Variants in GVQW3 observed in about 807,000 individuals in gnomAD.
The protein encoded by GVQW3 is GVQW motif containing 3.
A neutral mutation model predicts 12.5 loss-of-function variants in GVQW3; 7 were observed. The ratio of observed to expected loss-of-function variants is 0.56; its 90% confidence interval spans 0.32 to 1.05. GVQW3 has a LOEUF of 1.05. Ranked by LOEUF, GVQW3 falls within the 50% of genes least tolerant of loss-of-function variation. The pLI is 0.04. For missense variants in GVQW3, 188 were observed against 190.8 expected, an observed-to-expected ratio of 0.99 and a Z score of 0.09; for synonymous variants, 71 against 67.2, an observed-to-expected ratio of 1.06 and a Z score of -0.28.
At chr11:76,384,391 C>T (rs1946810615) in intron 1 of GVQW3, among the ~76,000 whole-genome samples, 1 of 152,202 alleles carries the variant, frequency 6.6e-6, no homozygotes, top group African/African-American at 2.4e-5. Context: ...GGCACGATCT[C>T]AGCTCACTAC....
intron 1 of GVQW3, among the ~76,000 whole-genome samples, chr11:76,393,884 C>T (rs1341955819): frequency 6.8e-6 from 1 of 147,630 alleles, no homozygotes; most frequent in African/African-American, 2.6e-5. Flanking sequence ...CAGTTATACT[C>T]TTAGTTATTA....
chr11:76,390,128 G>T (rs1167746944), intron 1 of GVQW3: 1 of 152,166 alleles, frequency 6.6e-6, no homozygotes, highest in East Asian at 1.9e-4. Flanking sequence ...TTATAAAAAT[G>T]TTAAAGGTCT....
At chr11:76,400,014 C>T (rs1946973932) in intron 1 of GVQW3, among the ~76,000 whole-genome samples, 2 of 135,912 alleles carry the variant, frequency 1.5e-5, no homozygotes. Context: ...TATACACACA[C>T]ACACACACAC....
intron 1 of GVQW3, among the ~76,000 whole-genome samples, chr11:76,398,455 G>A (rs1056174459): frequency 5.9e-5 from 9 of 152,106 alleles, no homozygotes; most frequent in Admixed American, 3.3e-4. Flanking sequence ...GGGACTACAG[G>A]TGCATGCCAC....
intron 1 of GVQW3, among the ~76,000 whole-genome samples, chr11:76,387,233 C>T (rs1304692083): frequency 6.6e-6 from 1 of 150,430 alleles, no homozygotes; most frequent in Admixed American, 6.6e-5. Flanking sequence ...GTCAGGAGTT[C>T]GAGACCAGCT....
At chr11:76,394,470 C>T (rs1214808694) in intron 1 of GVQW3, among the ~76,000 whole-genome samples, 1 of 152,178 alleles carries the variant, frequency 6.6e-6, no homozygotes, top group Non-Finnish European at 1.5e-5. Context: ...GCTTATTTCA[C>T]TTAACATAAT....
chr11:76,389,681 A>G (rs567044433), intron 1 of GVQW3: 2 of 152,292 alleles, frequency 1.3e-5, no homozygotes, highest in South Asian at 2.1e-4. Flanking sequence ...GGTAAAATTA[A>G]CCTCCTTTGC....
At chr11:76,400,904 A>T (rs1170790216) in intron 1 of GVQW3, among the ~76,000 whole-genome samples, 1 of 152,052 alleles carries the variant, frequency 6.6e-6, no homozygotes, top group Non-Finnish European at 1.5e-5. Flanking sequence ...AGGTTAACTC[A>T]TCTTTGAGTC....
rs555820734 is a variant in GVQW3, at chr11:76,406,411, G to A, written c.*2653G>A. On this transcript the variant is annotated 3_prime_UTR_variant, in exon 2 of 2. Coordinates refer to ENST00000529331, the MANE Select transcript of GVQW3 (RefSeq NM_001347885.2). Reference sequence around the variant, plus strand: ...AGTGCAGCCACTTTGGAATGGTCAGGCTAGAAGGTTCAGCCTTTATTCTGA... The same window carrying A: ...AGTGCAGCCACTTTGGAATGGTCAGACTAGAAGGTTCAGCCTTTATTCTGA... The A allele has an allele frequency of 2.0e-5, 3 of 152,350 alleles. No homozygotes were observed. Among genetic ancestry groups the A allele is most frequent in the South Asian group, 4.1e-4 (2 of 4,832 alleles). 9.4% of individuals were successfully genotyped at this position (152,350 alleles called of 1,614,324 possible). A position where few individuals can be genotyped will look rare whatever the true frequency, so the allele number is the denominator to read the frequency against.
rs1293404119 is a variant in GVQW3 at position 76,390,498 on chromosome 11, C to T, written c.465+8205C>T. 2.6e-5 allele frequency among the ~76,000 whole-genome samples: 4 copies of T among 152,328 alleles called. No individual in the cohort carries two copies. The East Asian group carries it at 7.7e-4, about 29-fold the overall frequency. On this transcript the variant is annotated intron_variant, in intron 1 of 1. Coordinates refer to ENST00000529331, the MANE Select transcript of GVQW3 (RefSeq NM_001347885.2). ...AAACAAGACCCCAAGAAATGTTCCT[C>T]CTCGTGAGCACACATTTCAGTGAGG...
intron 1 of GVQW3, among the ~76,000 whole-genome samples, chr11:76,388,409 T>C (rs759562853): frequency 5.9e-5 from 9 of 152,188 alleles, no homozygotes; most frequent in Non-Finnish European, 8.8e-5. Context: ...GTGTCACCTT[T>C]ATTTAAACTG....
downstream of GVQW3, chr11:76,412,645 C>T (rs1947087351): frequency 6.6e-6 from 1 of 152,262 alleles, no homozygotes; most frequent in African/African-American, 2.4e-5. Context: ...CCCACACTGG[C>T]CCTTCCTCCA....
At chr11:76,401,930 A>G (rs1946993957) in intron 1 of GVQW3, among the ~76,000 whole-genome samples, 1 of 152,160 alleles carries the variant, frequency 6.6e-6, no homozygotes. Context: ...TACCCCACCC[A>G]CAGCCTCTTC....
intron 1 of GVQW3, among the ~76,000 whole-genome samples, chr11:76,384,904 C>T (rs1179952753): frequency 1.3e-5 from 2 of 152,222 alleles, no homozygotes; most frequent in East Asian, 1.9e-4. Flanking sequence ...CTTGCTAAGG[C>T]CTACCCAGTG....
chr11:76,382,192 A>C lies in GVQW3; in HGVS notation c.364A>C (p.Ile122Leu), dbSNP rs912149823. 43 of 1,536,080 alleles carry C rather than the reference A, an allele frequency of 2.8e-5. No homozygotes were observed. The highest frequency in any genetic ancestry group is 3.5e-5 in the Non-Finnish European group (40 of 1,146,928). ...CATGAGGAAGATTTCTGCAAAAGTTATTTCGGGTGTTTTGAAGGGTGAGCC... is the reference window on the plus strand; with the variant it reads ...CATGAGGAAGATTTCTGCAAAAGTTCTTTCGGGTGTTTTGAAGGGTGAGCC... ...LNMRKISAKV[I>L]SGVLKGEPKP... The change falls in exon 1 of 2, where the codon ATT becomes CTT. Residue 122 changes from isoleucine to leucine, a missense_variant. Physicochemically the swap from Ile to Leu is conservative, Grantham distance 5 (BLOSUM62 2). Transcript: ENST00000529331.
intron 1 of GVQW3, 133 bp downstream of exon 1, chr11:76,382,426 C>G (rs950842292): frequency 4.2e-6 from 3 of 708,724 alleles, no homozygotes; most frequent in African/African-American, 1.8e-5. Flanking sequence ...AAGCCTTCCC[C>G]CCAGGGTAGC....
chr11:76,401,788 A>AAAAG (rs1555029837), intron 1 of GVQW3, among the ~76,000 whole-genome samples: 29 of 150,840 alleles, frequency 1.9e-4, no homozygotes, highest in Admixed American at 2.6e-4. Context: ...AAAAAAAAAA[A>AAAAG]AAAGAAAGAA....
intron 1 of GVQW3, among the ~76,000 whole-genome samples, chr11:76,388,900 G>T (rs1946863927): frequency 6.6e-6 from 1 of 152,170 alleles, no homozygotes; most frequent in Non-Finnish European, 1.5e-5. Flanking sequence ...CACTGGCAAT[G>T]TTAGAAGTGT....
chr11:76,381,921 A>G lies in GVQW3; in HGVS notation c.93A>G (p.Glu31=). Residue 31 remains glutamate (E), a synonymous_variant, in exon 1 of 2, where the codon GAA becomes GAG. Transcript: ENST00000529331. ...GTGAGACCCACCATCTTTTAAAAGA[A>G]GCTTATGGGGATGAAGTCATGTCAA... ...SASETHHLLK[E]AYGDEVMSRA... 1 of 1,536,486 alleles carries G rather than the reference A, an allele frequency of 6.5e-7. No homozygotes were observed. Among genetic ancestry groups the G allele is most frequent in the Non-Finnish European group, 8.7e-7 (1 of 1,146,992 alleles).
Sources: allele counts gnomAD v4.1 joint callset (sites outside exome capture counted in the v4.1 genomes callset), GRCh38; gene constraint gnomAD v4.1.1; transcripts MANE v1.5; gene names NCBI Gene and HGNC (gene_info 2026-07-23, HGNC 2026-07-21).